The following RFTN1 variants were observed in gnomAD, a reference collection of about 807,000 sequenced individuals.
RFTN1 encodes raftlin, lipid raft linker 1.
Under a neutral mutation model 46.5 loss-of-function variants are expected in RFTN1, and 26 were observed. The ratio of observed to expected loss-of-function variants is 0.56; its 90% CI spans 0.41 to 0.78. The LOEUF (loss-of-function observed/expected upper bound fraction) is 0.78. Among genes scored for constraint, RFTN1 ranks in the 30% least tolerant of loss-of-function variants. RFTN1 has a pLI of 0.00. For missense variants in RFTN1, 693 were observed against 718.7 expected (o/e 0.96, Z 0.41); for synonymous variants, 261 against 284.2 (o/e 0.92, Z 0.82).
intron 2 of RFTN1, among the ~76,000 whole-genome samples, chr3:16,455,332 A>T (rs2075887632): frequency 6.6e-6 from 1 of 152,132 alleles, no homozygotes; most frequent in South Asian, 2.1e-4. Flanking sequence ...CAATCTGTTC[A>T]CTTCTACTTT....
At chr3:16,472,606 A>G (rs1324384589) in intron 2 of RFTN1, 1 of 152,272 alleles carries the variant, frequency 6.6e-6, no homozygotes, top group Non-Finnish European at 1.5e-5. Context: ...ACTCAGCCAG[A>G]ACATTCTAGA....
In RFTN1 at chr3:16,418,671, C is replaced by T. The variant is rs78393923; in HGVS notation, c.333-9188G>A. The stretch of plus-strand genomic sequence containing the variant: ...CCAAGCTCAAATAGAATAATCAGAA[C>T]AGCTTATTTTTTTTTTTTTAAAGAA... On this transcript the variant is annotated intron_variant, in intron 3 of 9. Transcript: ENST00000334133. The surrounding 1 kb of genome is among the most constrained non-coding windows in gnomAD (Gnocchi z 5.0). Among the ~76,000 whole-genome samples the T allele has an allele frequency of 0.039, 5,422 of 139,010 alleles. 126 individuals carry two copies. Among genetic ancestry groups the T allele is most frequent in the Non-Finnish European group, 0.055 (3,534 of 63,796 alleles). The allele number at this position is 139,010 out of a possible 152,430, so 91.2% of individuals were successfully genotyped here. A position where few individuals can be genotyped will look rare whatever the true frequency, so the allele number is the denominator to read the frequency against.
chr3:16,487,066 C>T (rs1005430568), intron 2 of RFTN1, among the ~76,000 whole-genome samples: 9 of 152,230 alleles, frequency 5.9e-5, no homozygotes, highest in African/African-American at 2.2e-4. Context: ...GACCAGAACC[C>T]AACCATGCTG....
rs781631054 is a variant in RFTN1 at position 16,336,052 on chromosome 3, C to T, written c.1147-9176G>A. On this transcript the variant is annotated intron_variant, in intron 7 of 9. Transcript: ENST00000334133. The surrounding 1 kb of genome is among the most constrained non-coding windows in gnomAD (Gnocchi z 6.0). ...GGAGGGTAGAGGTCCTGTTCTCCTA[C>T]GGCCATGGAAAGTGGAGATCTAGAG... is the stretch of plus-strand genomic sequence containing the variant. Among the ~76,000 whole-genome samples the T allele has an allele frequency of 6.6e-6, 1 of 152,150 alleles. No homozygotes were observed. The highest frequency in any genetic ancestry group is 1.5e-5 in the Non-Finnish European group (1 of 68,026).
rs2075426042 is a variant in RFTN1, at chr3:16,433,052, G to A, written c.332+799C>T. Among the ~76,000 whole-genome samples the A allele has an allele frequency of 6.6e-6, 1 of 152,152 alleles. No individual in the cohort carries two copies. Among genetic ancestry groups the A allele is most frequent in the Admixed American group, 6.5e-5 (1 of 15,284 alleles). ...CCCTTTTTAAAATGTGGCACATGCTGTCATTCCTTCTATGATAGTTGGCCA... is the reference window on the plus strand; with the variant it reads ...CCCTTTTTAAAATGTGGCACATGCTATCATTCCTTCTATGATAGTTGGCCA... On this transcript the variant is annotated intron_variant, in intron 3 of 9. Transcript: ENST00000334133. The surrounding 1 kb of genome is among the most constrained non-coding windows in gnomAD (Gnocchi z 4.4).
intron 4 of RFTN1, among the ~76,000 whole-genome samples, chr3:16,397,069 GA>G (rs11290510): frequency 0.61 from 71,562 of 117,012 alleles, 19,330 homozygotes; most frequent in Middle Eastern, 0.66. Flanking sequence ...GTCTCAAAAT[GA>G]AAAAAAAAAA....
rs1157942864 is a variant in RFTN1, at chr3:16,428,182, A to G, written c.332+5669T>C. On this transcript the variant is annotated intron_variant, in intron 3 of 9. Coordinates refer to ENST00000334133, the MANE Select transcript of RFTN1 (RefSeq NM_015150.2). This position sits in a 1 kb window ranked among gnomAD's most constrained non-coding sequence, Gnocchi z 4.7. Reference sequence around the variant, plus strand: ...AAAACAGTGCCAGTTATTCTATTCAATAGGCAGATGTGCCCCAGAATGAAC... The same window carrying G: ...AAAACAGTGCCAGTTATTCTATTCAGTAGGCAGATGTGCCCCAGAATGAAC... 6.6e-6 allele frequency among the ~76,000 whole-genome samples: 1 copy of G among 152,216 alleles called. No homozygotes were observed. The highest frequency in any genetic ancestry group is 1.5e-5 in the Non-Finnish European group (1 of 68,040).
chr3:16,487,347 T>C (rs1235377304), intron 2 of RFTN1, among the ~76,000 whole-genome samples: 2 of 152,354 alleles, frequency 1.3e-5, no homozygotes, highest in African/African-American at 4.8e-5. Flanking sequence ...GGTACATTGT[T>C]ATGACTTAGA....
At chr3:16,431,297 G>A (rs967770052) in intron 3 of RFTN1, among the ~76,000 whole-genome samples, 3 of 152,174 alleles carry the variant, frequency 2.0e-5, no homozygotes, top group Admixed American at 2.0e-4. Flanking sequence ...CATGAAGCCA[G>A]GCAAGAATTA....
rs1375872674 is a variant in RFTN1 at position 16,353,470 on chromosome 3, CAG to C, written c.1146+4460_1146+4461del. Among the ~76,000 whole-genome samples the C allele has an allele frequency of 2.0e-5, 3 of 152,170 alleles. No individual in the cohort carries two copies. Among genetic ancestry groups the C allele is most frequent in the African/African-American group, 7.2e-5 (3 of 41,438 alleles). ...CTGTCTACACTTAGTTCCCCTAAGA[CAG>C]GGATTCTCAAGGTGGGGTTCCCACA... On this transcript the variant is annotated intron_variant, in intron 7 of 9. Transcript: ENST00000334133. This position sits in a 1 kb window ranked among gnomAD's most constrained non-coding sequence, Gnocchi z 5.4.
chr3:16,397,289 CA>C (rs55675031), intron 4 of RFTN1, among the ~76,000 whole-genome samples: 5 of 151,312 alleles, frequency 3.3e-5, no homozygotes, highest in Middle Eastern at 3.5e-3. Context: ...TATGTGGAAT[CA>C]AAAAAAAGAA....
At chr3:16,491,770 A>AAAAC (rs1258730562) in intron 2 of RFTN1, among the ~76,000 whole-genome samples, 7 of 149,908 alleles carry the variant, frequency 4.7e-5, no homozygotes, top group Non-Finnish European at 1.0e-4. Flanking sequence ...ACAAACAAAC[A>AAAAC]AAACAAACAA....
chr3:16,392,599 A>G (rs1001426492), intron 4 of RFTN1, among the ~76,000 whole-genome samples: 1 of 147,056 alleles, frequency 6.8e-6, no homozygotes, highest in Admixed American at 6.9e-5. Flanking sequence ...CATCTATATA[A>G]AAGTATATAT....
chr3:16,332,087 T>C (rs1166497604), intron 7 of RFTN1, among the ~76,000 whole-genome samples: 1 of 152,226 alleles, frequency 6.6e-6, no homozygotes, highest in Non-Finnish European at 1.5e-5. Flanking sequence ...CAATGTGCTT[T>C]GGTGTGGGTC....
At position 16,425,012 on chromosome 3, in the gene RFTN1, T is replaced by G. The variant is rs1166050956; in HGVS notation, c.332+8839A>C. On this transcript the variant is annotated intron_variant, in intron 3 of 9. Transcript: ENST00000334133. This position sits in a 1 kb window ranked among gnomAD's most constrained non-coding sequence, Gnocchi z 4.3. ...CAATTTTCAATTCAACAGAGTTGAATAGGTAGACTATTCAATACAAGACTC... is the reference window on the plus strand; with the variant it reads ...CAATTTTCAATTCAACAGAGTTGAAGAGGTAGACTATTCAATACAAGACTC... Among the ~76,000 whole-genome samples, 1 of 152,172 alleles carries G rather than the reference T, an allele frequency of 6.6e-6. No individual in the cohort carries two copies. Among genetic ancestry groups the G allele is most frequent in the Non-Finnish European group, 1.5e-5 (1 of 68,028 alleles).
In RFTN1 at chr3:16,509,779, C is replaced by T. The variant is rs186711249; in HGVS notation, c.-9+3663G>A. ...TCACCCAGATGGGTATCACGAGTCA[C>T]GAAATCACTCAGCCAATGTTTACTG... On this transcript the variant is annotated intron_variant, in intron 1 of 9. Coordinates refer to ENST00000334133, the MANE Select transcript of RFTN1 (RefSeq NM_015150.2). This position sits in a 1 kb window ranked among gnomAD's most constrained non-coding sequence, Gnocchi z 4.9. 2.0e-5 allele frequency among the ~76,000 whole-genome samples: 3 copies of T among 152,140 alleles called. No individual in the cohort carries two copies. Among genetic ancestry groups the T allele is most frequent in the Admixed American group, 2.0e-4 (3 of 15,288 alleles).
chr3:16,384,892 G>T lies in RFTN1; in HGVS notation c.442-6790C>A, dbSNP rs78059779. Among the ~76,000 whole-genome samples, 1 of 152,094 alleles carries T rather than the reference G, an allele frequency of 6.6e-6. No homozygotes were observed. Among genetic ancestry groups the T allele is most frequent in the African/African-American group, 2.4e-5 (1 of 41,382 alleles). On this transcript the variant is annotated intron_variant, in intron 4 of 9. Transcript: ENST00000334133. This position sits in a 1 kb window ranked among gnomAD's most constrained non-coding sequence, Gnocchi z 4.7. ...TAGAACATATCCATCATCATAGAAC[G>T]TTCTATTGGGTAGCTCTGCTATAGA...
At position 16,322,382 on chromosome 3, in the gene RFTN1, G is replaced by A. The variant is rs2069168863; in HGVS notation, c.1332+994C>T. Among the ~76,000 whole-genome samples the A allele has an allele frequency of 6.6e-6, 1 of 152,188 alleles. No individual in the cohort carries two copies. The highest frequency in any genetic ancestry group is 2.4e-5 in the African/African-American group (1 of 41,442). Reference sequence around the variant, plus strand: ...GCTGCTCCAATCTGTTCATTTACTTGATGCTCCTTCCCAGGGCTCTGTGTC... The same window carrying A: ...GCTGCTCCAATCTGTTCATTTACTTAATGCTCCTTCCCAGGGCTCTGTGTC... On this transcript the variant is annotated intron_variant, in intron 9 of 9. Transcript: ENST00000334133. This position sits in a 1 kb window ranked among gnomAD's most constrained non-coding sequence, Gnocchi z 6.2.
chr3:16,365,914 G>A (rs1382820556), intron 6 of RFTN1, among the ~76,000 whole-genome samples: 1 of 152,202 alleles, frequency 6.6e-6, no homozygotes, highest in Non-Finnish European at 1.5e-5. Flanking sequence ...GAGAAGTGAG[G>A]ATACAGTCAC....
Sources: gnomAD v4.1 joint callset for allele counts (sites outside exome capture counted in the v4.1 genomes callset) on GRCh38, gnomAD v4.1.1 for gene constraint, Gnocchi (gnomAD v3.1) non-coding constraint, MANE v1.5 for transcripts, NCBI Gene and HGNC (gene_info 2026-07-23, HGNC 2026-07-21) for gene names.